The following NEO1 variants were observed in gnomAD, a reference collection of about 807,000 sequenced individuals.
The protein encoded by NEO1 is neogenin.
NEO1 carries 63 observed loss-of-function variants against 159.7 expected under a neutral mutation model. That is an observed-to-expected ratio of 0.39 (90% CI 0.32 to 0.49). The LOEUF (loss-of-function observed/expected upper bound fraction) is 0.49. Ranked by LOEUF, NEO1 falls within the 20% of genes least tolerant of loss-of-function variation. The probability of loss-of-function intolerance (pLI) is 0.85; values close to 1 mark genes in which losing one functional copy is unlikely to be tolerated. For synonymous variants in NEO1, 633 were observed against 662.0 expected (o/e 0.96, Z 0.67); for missense variants, 1,615 against 1,831.0 (o/e 0.88, Z 2.15).
chr15:73,057,890 A>G (rs2067788019), intron 1 of NEO1, among the ~76,000 whole-genome samples: 1 of 152,178 alleles, frequency 6.6e-6, no homozygotes, highest in Non-Finnish European at 1.5e-5. Context: ...ACATAAATAT[A>G]TGTTTGTTTG....
At position 73,118,749 on chromosome 15, in the gene NEO1, C is replaced by A. The variant is rs367545556; in HGVS notation, c.448+1892C>A. Among the ~76,000 whole-genome samples the A allele has an allele frequency of 2.6e-5, 4 of 152,166 alleles. No homozygotes were observed. In the South Asian group the frequency reaches 8.3e-4, roughly 32 times the overall value. On this transcript the variant is annotated intron_variant, in intron 2 of 28. Transcript: ENST00000261908. ...AAAGTTATTTAAACCACTCTTGGCC[C>A]TAGGTATCAGGAGTAAATAGTGCCC...
At chr15:73,229,401 T>G (rs1370084065) in intron 7 of NEO1, among the ~76,000 whole-genome samples, 10 of 151,978 alleles carry the variant, frequency 6.6e-5, no homozygotes, top group Non-Finnish European at 1.5e-4. Context: ...AGAACTACAG[T>G]TGGTTTTCAT....
chr15:73,173,526 G>T (rs1468942190), intron 5 of NEO1, among the ~76,000 whole-genome samples: 1 of 152,102 alleles, frequency 6.6e-6, no homozygotes, highest in Admixed American at 6.5e-5. Context: ...AGTCTAGTTT[G>T]TTTCGTAGAA....
In NEO1 at chr15:73,116,564, C is replaced by T; in HGVS notation, c.155C>T (p.Pro52Leu). 1.3e-6 allele frequency: 2 copies of T among 1,538,040 alleles called. No individual in the cohort carries two copies. Among genetic ancestry groups the T allele is most frequent in the Non-Finnish European group, 1.7e-6 (2 of 1,148,088 alleles). Residue 52 changes from proline (P) to leucine (L), a missense_variant, in exon 2 of 29, where the codon CCA becomes CTA. This residue lies in a region of NEO1 where 1,018 missense variants were observed against 1,115.4 expected (regional missense o/e 0.91). Coordinates refer to ENST00000261908, the MANE Select transcript of NEO1 (RefSeq NM_002499.4). ...GGAGCCAGCATTCGAACGTTCACTC[C>T]ATTTTATTTTCTGGTGGAGCCGGTG... Reference protein sequence around the residue: ...SPGASIRTFTPFYFLVEPVDT... With the variant: ...SPGASIRTFTLFYFLVEPVDT...
rs924766416 is a variant in NEO1 at position 73,304,214 on chromosome 15, C to T, written c.*1518C>T. The T allele has an allele frequency of 6.6e-6, 1 of 152,072 alleles. No homozygotes were observed. The allele number at this position is 152,072 out of a possible 1,614,324, so 9.4% of individuals were successfully genotyped here. On this transcript the variant is annotated 3_prime_UTR_variant, in exon 29 of 29. Coordinates refer to ENST00000261908, the MANE Select transcript of NEO1 (RefSeq NM_002499.4). Reference sequence around the variant, plus strand: ...GCTCAGCCACACATGGAAGCCATTGCCTTTGCACATAGTTCTTGGGTTCTT... The same window carrying T: ...GCTCAGCCACACATGGAAGCCATTGTCTTTGCACATAGTTCTTGGGTTCTT...
At chr15:73,247,224 T>TG (rs1390991245) in intron 9 of NEO1, among the ~76,000 whole-genome samples, 1 of 152,182 alleles carries the variant, frequency 6.6e-6, no homozygotes, top group Non-Finnish European at 1.5e-5. Context: ...TCAGCTTGTG[T>TG]GGGGGAGGCA....
chr15:73,052,645 G>C lies in NEO1; in HGVS notation c.-31G>C. ...GAGGCAAGGGCTCCGCGGCGCTGTC[G>C]CCGCCGCTGCCGCTCACTCTCGGGG... On this transcript the variant is annotated 5_prime_UTR_variant, in exon 1 of 29. Coordinates refer to ENST00000261908, the MANE Select transcript of NEO1 (RefSeq NM_002499.4). The C allele has an allele frequency of 8.1e-7, 1 of 1,240,980 alleles. No individual in the cohort carries two copies. Among genetic ancestry groups the C allele is most frequent in the Non-Finnish European group, 1.0e-6 (1 of 986,758 alleles). The allele number at this position is 1,240,980 out of a possible 1,614,324, so 76.9% of individuals were successfully genotyped here. A position where few individuals can be genotyped will look rare whatever the true frequency, so the allele number is the denominator to read the frequency against.
intron 1 of NEO1, among the ~76,000 whole-genome samples, chr15:73,096,209 A>G (rs1362841321): frequency 1.3e-5 from 2 of 152,136 alleles, no homozygotes; most frequent in Non-Finnish European, 2.9e-5. Flanking sequence ...AATAGCAAAC[A>G]CAATAGATAT....
chr15:73,170,872 G>C (rs1171555466), intron 5 of NEO1, among the ~76,000 whole-genome samples: 3 of 152,084 alleles, frequency 2.0e-5, no homozygotes, highest in East Asian at 1.9e-4. Flanking sequence ...TAGAATAAGA[G>C]TATTACTATT....
intron 4 of NEO1, among the ~76,000 whole-genome samples, chr15:73,127,897 G>A (rs2030513985): frequency 2.0e-5 from 3 of 152,158 alleles, no homozygotes; most frequent in Admixed American, 2.0e-4. Context: ...GTGACTAGTG[G>A]CTATTGACTT....
At chr15:73,054,821 A>C (rs2151201198) in intron 1 of NEO1, among the ~76,000 whole-genome samples, 2 of 152,346 alleles carry the variant, frequency 1.3e-5, no homozygotes, top group Middle Eastern at 6.8e-3. Flanking sequence ...AAGAGACTGG[A>C]GAACTGAGTA....
intron 7 of NEO1, among the ~76,000 whole-genome samples, chr15:73,228,594 T>C (rs577111387): frequency 5.9e-5 from 9 of 152,002 alleles, no homozygotes; most frequent in African/African-American, 9.7e-5. Context: ...CTGGGTTTTT[T>C]TTAGTGCAGA....
chr15:73,261,057 A>T (rs1464717992), intron 15 of NEO1, among the ~76,000 whole-genome samples: 1 of 152,084 alleles, frequency 6.6e-6, no homozygotes, highest in Admixed American at 6.5e-5. Flanking sequence ...TTTCACCCCT[A>T]TGAAGAGAAT....
chr15:73,227,354 G>A (rs1272056422), intron 7 of NEO1, among the ~76,000 whole-genome samples: 1 of 152,028 alleles, frequency 6.6e-6, no homozygotes, highest in Non-Finnish European at 1.5e-5. Context: ...AAATTAGCCG[G>A]GTATGGTGGC....
chr15:73,205,729 T>G (rs2037174815), intron 7 of NEO1, among the ~76,000 whole-genome samples: 1 of 152,196 alleles, frequency 6.6e-6, no homozygotes, highest in African/African-American at 2.4e-5. Flanking sequence ...CTCTACAGTT[T>G]GGGGTGGGGA....
At chr15:73,162,207 C>T (rs1035539239) in intron 5 of NEO1, 1 of 216,014 alleles carries the variant, frequency 4.6e-6, no homozygotes, top group Non-Finnish European at 9.6e-6. Context: ...TCTTGATCTT[C>T]TAAGCCTCTT....
At chr15:73,102,726 A>G (rs548936069) in intron 1 of NEO1, among the ~76,000 whole-genome samples, 1 of 152,202 alleles carries the variant, frequency 6.6e-6, no homozygotes, top group South Asian at 2.1e-4. Flanking sequence ...TTGGTGTTCT[A>G]CAGAATTTGG....
chr15:73,298,494 A>G lies in NEO1; in HGVS notation c.4048A>G (p.Thr1350Ala). 1.9e-6 allele frequency: 3 copies of G among 1,614,150 alleles called. No individual in the cohort carries two copies. Among genetic ancestry groups the G allele is most frequent in the Non-Finnish European group, 2.5e-6 (3 of 1,180,026 alleles). Reference sequence around the variant, plus strand: ...GGAAGATTCAGGCCAGAGTCTTCCCACTGCCCATGTTCGCCCTTCCCACCC... The same window carrying G: ...GGAAGATTCAGGCCAGAGTCTTCCCGCTGCCCATGTTCGCCCTTCCCACCC... ...QEEDSGQSLP[T>A]AHVRPSHPLK... Residue 1350 changes from threonine (T) to alanine (A), a missense_variant, in exon 27 of 29, where the codon ACT becomes GCT. Around this residue, in one of 3 missense-constraint regions of NEO1, gnomAD observed 471 missense variants for 498.9 expected, o/e 0.94. Transcript: ENST00000261908.
At chr15:73,148,380 G>A (rs1470978537) in intron 5 of NEO1, among the ~76,000 whole-genome samples, 7 of 152,090 alleles carry the variant, frequency 4.6e-5, no homozygotes, top group Non-Finnish European at 8.8e-5. Context: ...AGGAACAGCA[G>A]GAAAAGTGGA....
Sources: gnomAD v4.1 joint callset for allele counts (sites outside exome capture counted in the v4.1 genomes callset) on GRCh38, gnomAD v4.1.1 for gene constraint, gnomAD v4.1.1 regional missense constraint, MANE v1.5 for transcripts, NCBI Gene and HGNC (gene_info 2026-07-23, HGNC 2026-07-21) for gene names.